ALK: variants seen among roughly 807,000 people sequenced by gnomAD.
ALK encodes ALK tyrosine kinase receptor.
Under a neutral mutation model 163.1 loss-of-function variants are expected in ALK, and 74 were observed. The observed-to-expected ratio is 0.45, with a 90% CI of 0.38 to 0.55. ALK has a LOEUF of 0.55. Ranked by LOEUF, ALK falls within the 20% of genes least tolerant of loss-of-function variation. The pLI is 0.00. For synonymous variants in ALK, 960 were observed against 843.2 expected (o/e 1.14, Z -2.40); for missense variants, 2,063 against 2,105.3 (o/e 0.98, Z 0.39).
chr2:29,919,811 C>A (rs909104528), intron 1 of ALK, among the ~76,000 whole-genome samples, 182 bp downstream of exon 1: 1 of 152,148 alleles, frequency 6.6e-6, no homozygotes, highest in East Asian at 1.9e-4. Flanking sequence ...CCCTGAACTG[C>A]GTTCAGGGAG....
chr2:29,312,481 C>G (rs1666722098), intron 8 of ALK, among the ~76,000 whole-genome samples: 1 of 152,156 alleles, frequency 6.6e-6, no homozygotes, highest in South Asian at 2.1e-4. Flanking sequence ...TCCTTTTGCA[C>G]TGGCCCCACA....
Position 29,546,740 on chromosome 2 carries a change from C to T in ALK, c.953-14624G>A, listed in dbSNP as rs531466640. 5.3e-5 allele frequency among the ~76,000 whole-genome samples: 8 copies of T among 152,280 alleles called. 1 individual carries two copies. The South Asian group carries it at 1.7e-3, about 32-fold the overall frequency. On this transcript the variant is annotated intron_variant, in intron 3 of 28. Transcript: ENST00000389048. ...TTTTAAAATTTTTGCTAAGAGGTAG[C>T]GGCTTTTATTGCTTTCTCTGGGCAT...
At chr2:29,399,022 G>A (rs1485713385) in intron 4 of ALK, among the ~76,000 whole-genome samples, 1 of 152,156 alleles carries the variant, frequency 6.6e-6, no homozygotes, top group Non-Finnish European at 1.5e-5. Flanking sequence ...AGAGTCTCTG[G>A]CTTTGGAAAC....
At chr2:29,701,087 C>A (rs1436752757) in intron 2 of ALK, among the ~76,000 whole-genome samples, 1 of 152,172 alleles carries the variant, frequency 6.6e-6, no homozygotes, top group Admixed American at 6.5e-5. Context: ...CATAACACCA[C>A]AAAAGGGGAA....
intron 5 of ALK, among the ~76,000 whole-genome samples, chr2:29,355,472 T>C (rs948815075): frequency 6.6e-6 from 1 of 151,838 alleles, no homozygotes; most frequent in Non-Finnish European, 1.5e-5. Flanking sequence ...ACACACCACA[T>C]ACACACCCAC....
chr2:29,378,814 C>T (rs930933135), intron 5 of ALK, among the ~76,000 whole-genome samples: 2 of 151,626 alleles, frequency 1.3e-5, no homozygotes, highest in African/African-American at 2.4e-5. Context: ...CTCCCGGGTT[C>T]AAGCTTCTGC....
intron 4 of ALK, 93 bp from the exon 5 acceptor site, chr2:29,383,952 C>A: frequency 2.6e-6 from 4 of 1,515,996 alleles, no homozygotes; most frequent in Non-Finnish European, 2.7e-6. Flanking sequence ...CTTGCAGGGA[C>A]TTCAGGACTC....
At chr2:29,779,307 C>G (rs1196887524) in intron 1 of ALK, among the ~76,000 whole-genome samples, 1 of 152,196 alleles carries the variant, frequency 6.6e-6, no homozygotes, top group Admixed American at 6.5e-5. Context: ...TCTAGCACCC[C>G]ACCTGGGGCC....
intron 3 of ALK, among the ~76,000 whole-genome samples, chr2:29,559,849 T>C (rs1673973585): frequency 6.7e-6 from 1 of 149,328 alleles, no homozygotes; most frequent in Middle Eastern, 3.2e-3. Flanking sequence ...CTAGATAAGA[T>C]ATCTGGGCAG....
At chr2:29,896,068 T>C (rs183185907) in intron 1 of ALK, among the ~76,000 whole-genome samples, 53 of 152,190 alleles carry the variant, frequency 3.5e-4, no homozygotes, top group Non-Finnish European at 6.5e-4. Flanking sequence ...TATGGTAGTG[T>C]GGGTGCAGGG....
intron 1 of ALK, among the ~76,000 whole-genome samples, chr2:29,814,284 G>A (rs1352653530): frequency 2.0e-5 from 3 of 152,066 alleles, no homozygotes; most frequent in Non-Finnish European, 2.9e-5. Context: ...CAGCCCAGTG[G>A]TGATCCTCCC....
chr2:29,852,395 C>T (rs1666020316), intron 1 of ALK, among the ~76,000 whole-genome samples: 1 of 152,156 alleles, frequency 6.6e-6, no homozygotes, highest in South Asian at 2.1e-4. Context: ...CAGCCCCACT[C>T]ACCATTACCT....
chr2:29,920,796 G>A lies in ALK; in HGVS notation c.-137C>T. 3 of 767,294 alleles carry A rather than the reference G, an allele frequency of 3.9e-6. No individual in the cohort carries two copies. The highest frequency in any genetic ancestry group is 2.8e-5 in the Admixed American group (1 of 36,286). 47.5% of individuals were successfully genotyped at this position (767,294 alleles called of 1,614,324 possible). On this transcript the variant is annotated 5_prime_UTR_variant, in exon 1 of 29. Transcript: ENST00000389048. ...CTGATCTCCAGAGGACTGTGCGTGC[G>A]CGCAAGTCTCTTGCTTTCCCCCAAC... is the stretch of plus-strand genomic sequence containing the variant.
In ALK at chr2:29,920,573, C is replaced by A. The variant is rs1408956474; in HGVS notation, c.87G>T (p.Ala29=). Residue 29 remains alanine, a synonymous_variant, in exon 1 of 29, where the codon GCG becomes GCT. Transcript: ENST00000389048. ...GCGGCGGCCCCGCAGCTGGGGAGCC[C>A]GCGCGCTGGCCGGTCCCCATCCCGG... ...VGSGMGTGQR[A]GSPAAGPPLQ... The A allele has an allele frequency of 6.3e-7, 1 of 1,587,604 alleles. No individual in the cohort carries two copies. The highest frequency in any genetic ancestry group is 8.5e-7 in the Non-Finnish European group (1 of 1,171,150).
intron 8 of ALK, among the ~76,000 whole-genome samples, chr2:29,302,316 G>A (rs1001883935): frequency 1.1e-4 from 17 of 152,290 alleles, no homozygotes; most frequent in South Asian, 1.0e-3. Flanking sequence ...TCAGGAGTTC[G>A]AGATCAGCCT....
chr2:29,398,871 T>C (rs1208706955), intron 4 of ALK, among the ~76,000 whole-genome samples: 1 of 152,212 alleles, frequency 6.6e-6, no homozygotes, highest in Non-Finnish European at 1.5e-5. Context: ...AAAACAGCTC[T>C]GAGCCTCTGA....
At chr2:29,509,519 C>A (rs1227137444) in intron 4 of ALK, among the ~76,000 whole-genome samples, 1 of 152,144 alleles carries the variant, frequency 6.6e-6, no homozygotes, top group African/African-American at 2.4e-5. Context: ...TTTCTACCTT[C>A]CAGGCAACTA....
chr2:29,199,672 C>G (rs761018658), intron 26 of ALK, among the ~76,000 whole-genome samples: 3 of 152,142 alleles, frequency 2.0e-5, no homozygotes, highest in Non-Finnish European at 2.9e-5. Context: ...TCTGAAAAGG[C>G]ATTTTTCTCT....
At chr2:29,886,321 CT>C (rs1357155663) in intron 1 of ALK, among the ~76,000 whole-genome samples, 1 of 152,200 alleles carries the variant, frequency 6.6e-6, no homozygotes, top group Admixed American at 6.5e-5. Flanking sequence ...AAATGTTCTA[CT>C]TGGATTTTTG....
Sources: allele counts gnomAD v4.1 joint callset (sites outside exome capture counted in the v4.1 genomes callset), GRCh38; gene constraint gnomAD v4.1.1; transcripts MANE v1.5; gene names NCBI Gene and HGNC (gene_info 2026-07-23, HGNC 2026-07-21).